The following SNAP25 variants were observed in gnomAD, a reference collection of about 807,000 sequenced individuals.
The protein encoded by SNAP25 is synaptosome associated protein 25.
In SNAP25, 3 loss-of-function variants were observed where a neutral mutation model predicts 28.7. The observed-to-expected ratio is 0.10, with a 90% CI of 0.05 to 0.27. The LOEUF (loss-of-function observed/expected upper bound fraction) is 0.27. Ranked by LOEUF, SNAP25 falls within the 10% of genes least tolerant of loss-of-function variation. The pLI is 1.00. For missense variants in SNAP25, 117 were observed against 278.7 expected, an observed-to-expected ratio of 0.42 and a Z score of 4.13; for synonymous variants, 61 against 88.1, an observed-to-expected ratio of 0.69 and a Z score of 1.72.
At chr20:10,231,430 C>T (rs1041775865) in intron 1 of SNAP25, 3 of 152,264 alleles carry the variant, frequency 2.0e-5, no homozygotes, top group African/African-American at 7.2e-5. Flanking sequence ...GCACTGCAGC[C>T]AAGGCTCCTG....
intron 1 of SNAP25, among the ~76,000 whole-genome samples, chr20:10,226,143 C>T (rs1018220042): frequency 3.9e-5 from 6 of 152,052 alleles, no homozygotes; most frequent in Admixed American, 6.6e-5. Context: ...GCAGTTATTC[C>T]GAAGTTGGTC....
intron 1 of SNAP25, among the ~76,000 whole-genome samples, chr20:10,261,214 C>T (rs1278726319): frequency 6.6e-6 from 1 of 152,172 alleles, no homozygotes; most frequent in East Asian, 1.9e-4. Flanking sequence ...CCCTTGACCA[C>T]ATTGTTCTCC....
intron 1 of SNAP25, among the ~76,000 whole-genome samples, chr20:10,265,057 T>C (rs1444859462): frequency 6.6e-6 from 1 of 151,766 alleles, no homozygotes; most frequent in Admixed American, 6.6e-5. Context: ...GGGTGTAAAA[T>C]AGATGCAAGA....
intron 1 of SNAP25, among the ~76,000 whole-genome samples, chr20:10,254,435 C>G (rs948132776): frequency 4.6e-5 from 7 of 152,202 alleles, no homozygotes; most frequent in African/African-American, 1.4e-4. Context: ...GATCTCCCCC[C>G]AGAGCATTCC....
chr20:10,289,228 G>T (rs984880329), intron 4 of SNAP25, among the ~76,000 whole-genome samples: 1 of 152,142 alleles, frequency 6.6e-6, no homozygotes, highest in Non-Finnish European at 1.5e-5. Context: ...ACCTGGAAAC[G>T]TACTGAGCCC....
At chr20:10,252,376 ACAATG>A (rs2063245683) in intron 1 of SNAP25, among the ~76,000 whole-genome samples, 1 of 148,896 alleles carries the variant, frequency 6.7e-6, no homozygotes, top group African/African-American at 2.6e-5. Flanking sequence ...CCATACAACT[ACAATG>A]CTTGGGATTA....
chr20:10,240,566 C>T (rs142514060), intron 1 of SNAP25, among the ~76,000 whole-genome samples: 30 of 152,268 alleles, frequency 2.0e-4, no homozygotes, highest in Non-Finnish European at 3.8e-4. Context: ...GCCAGGAAAG[C>T]GTGATCCTGC....
intron 1 of SNAP25, among the ~76,000 whole-genome samples, chr20:10,274,560 C>G (rs2063653350): frequency 6.6e-6 from 1 of 152,110 alleles, no homozygotes; most frequent in Non-Finnish European, 1.5e-5. Context: ...GAAAGTAGAT[C>G]AGGCTGGGTG....
intron 1 of SNAP25, among the ~76,000 whole-genome samples, chr20:10,239,186 C>T (rs1017241211): frequency 1.3e-5 from 2 of 152,156 alleles, no homozygotes; most frequent in Non-Finnish European, 2.9e-5. Context: ...TAGGGGGCCT[C>T]GAGTCATTCA....
intron 1 of SNAP25, among the ~76,000 whole-genome samples, chr20:10,274,913 G>A (rs192419943): frequency 6.6e-6 from 1 of 152,138 alleles, no homozygotes; most frequent in Non-Finnish European, 1.5e-5. Flanking sequence ...GCAGGGGCCA[G>A]TGGGTGGGTA....
chr20:10,294,508 G>A (rs1161322745), intron 5 of SNAP25, among the ~76,000 whole-genome samples: 1 of 152,078 alleles, frequency 6.6e-6, no homozygotes, highest in African/African-American at 2.4e-5. Flanking sequence ...AATGTAAAAT[G>A]GTTTTTCTTC....
At chr20:10,299,183 G>T in intron 6 of SNAP25, 85 bp from the exon 7 acceptor site, 1 of 1,477,032 alleles carries the variant, frequency 6.8e-7, no homozygotes, top group South Asian at 1.3e-5. Flanking sequence ...CCCAGAGGAC[G>T]ACAGATTTCC....
chr20:10,251,095 C>CA (rs750212690), intron 1 of SNAP25, among the ~76,000 whole-genome samples: 1 of 152,132 alleles, frequency 6.6e-6, no homozygotes, highest in Non-Finnish European at 1.5e-5. Flanking sequence ...CCATGTCAAA[C>CA]AAAAAATGTT....
At chr20:10,292,680 A>G (rs1212539557) in intron 4 of SNAP25, among the ~76,000 whole-genome samples, 1 of 152,184 alleles carries the variant, frequency 6.6e-6, no homozygotes, top group Non-Finnish European at 1.5e-5. Context: ...TTGAATTACA[A>G]AGTATTTTGA....
At chr20:10,245,128 C>A (rs1166532575) in intron 1 of SNAP25, among the ~76,000 whole-genome samples, 1 of 152,146 alleles carries the variant, frequency 6.6e-6, no homozygotes, top group Non-Finnish European at 1.5e-5. Context: ...TGCTAAGGAA[C>A]CTCCCAGTCT....
intron 1 of SNAP25, among the ~76,000 whole-genome samples, chr20:10,235,513 G>A (rs2062902853): frequency 6.6e-6 from 1 of 152,212 alleles, no homozygotes; most frequent in Admixed American, 6.5e-5. Flanking sequence ...CCTGTGGGTG[G>A]TGGGATGGAA....
rs556478398 is a variant in SNAP25, at chr20:10,236,153, T to G, written c.-64+17176T>G. On this transcript the variant is annotated intron_variant, in intron 1 of 7. Coordinates refer to ENST00000254976, the MANE Select transcript of SNAP25 (RefSeq NM_130811.4). ...TGTGGCTACACATCTTCCACTAAGT[T>G]CCACAAACCAGGAAACTTAGACCTG... is the stretch of plus-strand genomic sequence containing the variant. 1.4e-4 allele frequency among the ~76,000 whole-genome samples: 21 copies of G among 152,296 alleles called. 1 individual carries two copies. The East Asian group carries it at 4.1e-3, about 29-fold the overall frequency.
chr20:10,279,761 G>C (rs1278903616), intron 3 of SNAP25, among the ~76,000 whole-genome samples: 1 of 152,206 alleles, frequency 6.6e-6, no homozygotes, highest in Non-Finnish European at 1.5e-5. Flanking sequence ...AGAACAAGGA[G>C]CAAAAGAGAT....
At chr20:10,268,107 A>G (rs533387169) in intron 1 of SNAP25, among the ~76,000 whole-genome samples, 2 of 152,320 alleles carry the variant, frequency 1.3e-5, no homozygotes, top group East Asian at 3.9e-4. Context: ...ACAAAGAGCA[A>G]GCCCTCCGTA....
Sources: gnomAD v4.1 joint callset for allele counts (sites outside exome capture counted in the v4.1 genomes callset) on GRCh38, gnomAD v4.1.1 for gene constraint, MANE v1.5 for transcripts, NCBI Gene and HGNC (gene_info 2026-07-23, HGNC 2026-07-21) for gene names.